The following SDK1 variants were observed in gnomAD, a reference collection of about 807,000 sequenced individuals.
SDK1 encodes the protein protein sidekick-1.
SDK1 carries 157 observed loss-of-function variants against 245.5 expected under a neutral mutation model. The ratio of observed to expected loss-of-function variants is 0.64; its 90% CI spans 0.56 to 0.73. SDK1 has a LOEUF of 0.73. SDK1 is among the 30% of genes least tolerant of loss of function. SDK1 has a pLI of 0.00. For missense variants in SDK1, 3,583 were observed against 3,002.3 expected (o/e 1.19, Z -4.52); for synonymous variants, 1,647 against 1,278.5 (o/e 1.29, Z -6.15).
At chr7:3,421,427 A>T (rs2128580995) in intron 1 of SDK1, among the ~76,000 whole-genome samples, 1 of 152,296 alleles carries the variant, frequency 6.6e-6, no homozygotes, top group African/African-American at 2.4e-5. Context: ...GTCACTAAAT[A>T]ATTATGATAT....
At chr7:3,978,815 A>G (rs769229682) in intron 13 of SDK1, among the ~76,000 whole-genome samples, 35 of 152,188 alleles carry the variant, frequency 2.3e-4, no homozygotes, top group African/African-American at 8.2e-4. Flanking sequence ...TGACTAAACA[A>G]TGTCCTTCAG....
intron 44 of SDK1, among the ~76,000 whole-genome samples, chr7:4,262,098 C>T (rs1353925607): frequency 3.2e-4 from 38 of 120,304 alleles, no homozygotes; most frequent in African/African-American, 1.2e-3. Context: ...GGCGAGATCT[C>T]GGCTCACTGC....
chr7:4,092,959 A>G (rs1781904061), intron 22 of SDK1, among the ~76,000 whole-genome samples: 1 of 152,232 alleles, frequency 6.6e-6, no homozygotes, highest in Non-Finnish European at 1.5e-5. Context: ...TCTTTGCAGA[A>G]AAGTTTCCTT....
chr7:4,125,701 C>T (rs1784354104), intron 25 of SDK1, among the ~76,000 whole-genome samples: 1 of 152,224 alleles, frequency 6.6e-6, no homozygotes, highest in East Asian at 1.9e-4. Context: ...CTACCAGGCA[C>T]CTCAGTGTTT....
chr7:3,838,168 G>A (rs182754360), intron 5 of SDK1, among the ~76,000 whole-genome samples: 23 of 152,346 alleles, frequency 1.5e-4, no homozygotes, highest in South Asian at 1.0e-3. Flanking sequence ...ATGAGACCCC[G>A]AAGAGATGGT....
At chr7:3,335,968 G>C (rs1583700138) in intron 1 of SDK1, among the ~76,000 whole-genome samples, 1 of 152,142 alleles carries the variant, frequency 6.6e-6, no homozygotes, top group South Asian at 2.1e-4. Flanking sequence ...GGGGACTTGA[G>C]AAATGACAAG....
At chr7:3,641,876 C>G in intron 3 of SDK1, 82 bp from the exon 4 acceptor site, 1 of 1,161,024 alleles carries the variant, frequency 8.6e-7, no homozygotes, top group Non-Finnish European at 1.3e-6. Context: ...TTTACTGTAA[C>G]ACTTACCTGT....
chr7:4,106,264 G>A (rs1782897948), intron 22 of SDK1, among the ~76,000 whole-genome samples: 1 of 152,010 alleles, frequency 6.6e-6, no homozygotes, highest in South Asian at 2.1e-4. Flanking sequence ...GAAGTGAAGT[G>A]GAGATCAGCC....
rs117176700 is a variant in SDK1, at chr7:3,608,730, C to T, written c.299-10350C>T. ...GATAAGATCCATTCCAAGTACAGGACAGTCTGAAAGATGTTAATGTAACAA... is the reference window on the plus strand; with the variant it reads ...GATAAGATCCATTCCAAGTACAGGATAGTCTGAAAGATGTTAATGTAACAA... On this transcript the variant is annotated intron_variant, in intron 1 of 44. Coordinates refer to ENST00000404826, the MANE Select transcript of SDK1 (RefSeq NM_152744.4). Among the ~76,000 whole-genome samples, 101 of 152,310 alleles carry T rather than the reference C, an allele frequency of 6.6e-4. No homozygotes were observed. In the East Asian group the frequency reaches 0.015, roughly 23 times the overall value.
At chr7:3,499,619 T>C (rs1432941666) in intron 1 of SDK1, among the ~76,000 whole-genome samples, 1 of 152,220 alleles carries the variant, frequency 6.6e-6, no homozygotes, top group East Asian at 1.9e-4. Context: ...CAGTGTATTG[T>C]TGTTTTAAAA....
intron 22 of SDK1, among the ~76,000 whole-genome samples, chr7:4,104,638 TTAA>T (rs1782786722): frequency 1.3e-5 from 2 of 152,240 alleles, no homozygotes; most frequent in African/African-American, 4.8e-5. Context: ...TAGTTCCTCA[TTAA>T]TGAGTGAAAT....
At chr7:4,103,667 C>T (rs998677767) in intron 22 of SDK1, among the ~76,000 whole-genome samples, 1 of 152,198 alleles carries the variant, frequency 6.6e-6, no homozygotes, top group African/African-American at 2.4e-5. Context: ...GCATTAAACA[C>T]CAAGTTGAGG....
At chr7:3,981,167 G>C (rs545304109) in intron 13 of SDK1, among the ~76,000 whole-genome samples, 44 of 152,216 alleles carry the variant, frequency 2.9e-4, no homozygotes, top group African/African-American at 1.1e-3. Context: ...TTCAAACTTT[G>C]TCACTATGAT....
intron 41 of SDK1, among the ~76,000 whole-genome samples, chr7:4,236,412 A>G (rs1049800509): frequency 9.2e-5 from 14 of 151,706 alleles, no homozygotes; most frequent in Admixed American, 2.6e-4. Flanking sequence ...ATTTTTTTCT[A>G]TTGATTTCTC....
intron 4 of SDK1, among the ~76,000 whole-genome samples, chr7:3,649,874 A>G (rs904528342): frequency 3.9e-5 from 6 of 152,184 alleles, no homozygotes; most frequent in Admixed American, 3.9e-4. Context: ...CTAGGCACAG[A>G]GGCCAGAAAC....
rs1292199670 is a variant in SDK1, at chr7:3,418,145, G to GCAAAAAAAAAAAAA, written c.298+116261_298+116262insCAAAAAAAAAAAAA. Among the ~76,000 whole-genome samples the GCAAAAAAAAAAAAA allele has an allele frequency of 2.2e-3, 263 of 119,690 alleles. 36 individuals carry two copies. The highest frequency in any genetic ancestry group is 9.5e-3 in the African/African-American group (245 of 25,752). 78.5% of individuals were successfully genotyped at this position (119,690 alleles called of 152,430 possible). A position where few individuals can be genotyped will look rare whatever the true frequency, so the allele number is the denominator to read the frequency against. ...GTGAAACCCGATCTCTACTAAAAATGAAAAAAAAAAAAAAAAAAAAAAATA... is the reference window on the plus strand; with the variant it reads ...GTGAAACCCGATCTCTACTAAAAATGCAAAAAAAAAAAAAAAAAAAAAAAAAAAAAAAAAAAATA... On this transcript the variant is annotated intron_variant, in intron 1 of 44. Transcript: ENST00000404826.
chr7:3,664,208 G>A (rs1202427546), intron 4 of SDK1, among the ~76,000 whole-genome samples: 1 of 152,132 alleles, frequency 6.6e-6, no homozygotes, highest in East Asian at 1.9e-4. Context: ...GGAGTGTAAA[G>A]CATGAGGCAA....
chr7:4,118,451 G>C (rs1783855204), intron 25 of SDK1, among the ~76,000 whole-genome samples: 1 of 152,240 alleles, frequency 6.6e-6, no homozygotes, highest in South Asian at 2.1e-4. Context: ...TGGGCATAGA[G>C]AAATTGGAAT....
intron 14 of SDK1, among the ~76,000 whole-genome samples, chr7:4,005,363 C>T (rs1785390572): frequency 2.0e-5 from 3 of 149,618 alleles, no homozygotes; most frequent in African/African-American, 7.4e-5. Context: ...GAGCTGCCTT[C>T]CGTTTCCGGG....
Sources: gnomAD v4.1 joint callset for allele counts (sites outside exome capture counted in the v4.1 genomes callset) on GRCh38, gnomAD v4.1.1 for gene constraint, MANE v1.5 for transcripts, NCBI Gene and HGNC (gene_info 2026-07-23, HGNC 2026-07-21) for gene names.